PUM1: variants seen among roughly 807,000 people sequenced by gnomAD.
PUM1 encodes pumilio RNA binding family member 1.
A neutral mutation model predicts 131.8 loss-of-function variants in PUM1; 13 were observed. The ratio of observed to expected loss-of-function variants is 0.10; its 90% CI spans 0.06 to 0.16. PUM1 has a LOEUF of 0.16. Among genes scored for constraint, PUM1 ranks in the 10% least tolerant of loss-of-function variants. The pLI is 1.00. For synonymous variants in PUM1, 509 were observed against 556.5 expected (o/e 0.91, Z 1.20); for missense variants, 961 against 1,512.4 (o/e 0.64, Z 6.05).
intron 9 of PUM1, among the ~76,000 whole-genome samples, chr1:30,975,619 T>A (rs1477190043): frequency 6.6e-6 from 1 of 150,930 alleles, no homozygotes; most frequent in African/African-American, 2.4e-5. Context: ...CCTCCCATAT[T>A]GCTGGGACTT....
chr1:30,975,319 T>G (rs1306743065), intron 9 of PUM1, among the ~76,000 whole-genome samples: 3 of 151,772 alleles, frequency 2.0e-5, no homozygotes. Context: ...GAACCTCCAC[T>G]GCAACTTCAA....
At chr1:30,965,049 A>T in intron 13 of PUM1, 139 bp from the exon 14 acceptor site, 1 of 661,532 alleles carries the variant, frequency 1.5e-6, no homozygotes, top group Non-Finnish European at 2.6e-6. Context: ...CTGTTAATGT[A>T]GCAGTACTAG....
chr1:30,981,534 A>G, intron 7 of PUM1, 129 bp from the exon 8 acceptor site: 2 of 530,582 alleles, frequency 3.8e-6, no homozygotes, highest in East Asian at 3.2e-5. Flanking sequence ...ATGTTCTCAC[A>G]CTCTACTTCA....
chr1:30,967,369 C>T, intron 11 of PUM1, 59 bp from the exon 12 acceptor site: 2 of 1,524,824 alleles, frequency 1.3e-6, no homozygotes, highest in South Asian at 2.3e-5. Flanking sequence ...ATCTCCTGGG[C>T]ACCAACATAT....
intron 3 of PUM1, among the ~76,000 whole-genome samples, chr1:31,008,183 AATG>A (rs1464296455): frequency 6.6e-6 from 1 of 152,146 alleles, no homozygotes; most frequent in African/African-American, 2.4e-5. Context: ...CCCATAACCC[AATG>A]ATAATGGAAA....
chr1:30,964,877 C>T lies in PUM1; in HGVS notation c.2120G>A (p.Arg707His), dbSNP rs1368398894. ...GTCACTGCTGCCAGTCAGGGAGTCACGGCGGGAGCCACTGCCAGTGTTGGA... is the reference window on the plus strand; with the variant it reads ...GTCACTGCTGCCAGTCAGGGAGTCATGGCGGGAGCCACTGCCAGTGTTGGA... ...ANSNTGSGSR[R>H]DSLTGSSDLY... The change falls in exon 14 of 22, where the codon CGT (arginine) becomes CAT (histidine). Residue 707 changes from arginine to histidine, a missense_variant. Arg to His is a conservative substitution (Grantham distance 29, BLOSUM62 0). Around this residue, in one of 4 missense-constraint regions of PUM1, gnomAD observed 654 missense variants for 923.9 expected, o/e 0.71. Coordinates refer to ENST00000426105, the MANE Select transcript of PUM1 (RefSeq NM_001020658.2). The T allele has an allele frequency of 6.2e-7, 1 of 1,612,838 alleles. No individual in the cohort carries two copies. Among genetic ancestry groups the T allele is most frequent in the Non-Finnish European group, 8.5e-7 (1 of 1,179,782 alleles).
intron 7 of PUM1, among the ~76,000 whole-genome samples, chr1:30,982,806 A>G (rs1641402306): frequency 6.6e-6 from 1 of 152,214 alleles, no homozygotes; most frequent in African/African-American, 2.4e-5. Flanking sequence ...AAGAAAACAA[A>G]AAGTGAATAC....
chr1:30,995,181 C>T lies in PUM1; in HGVS notation c.760G>A (p.Glu254Lys). Residue 254 changes from glutamate to lysine, a missense_variant, in exon 6 of 22, where the codon GAA becomes AAA. Glu to Lys is a moderately conservative substitution (Grantham distance 56). This residue lies in a region of PUM1 where 654 missense variants were observed against 923.9 expected (regional missense o/e 0.71). Transcript: ENST00000426105. ...DADSDENDKG[E>K]KKNKGTFDGD... ...TCAAACGTACCCTTGTTCTTCTTTT[C>T]ACCTTTGTCGTTTTCATCACTGTCT... 6.2e-7 allele frequency: 1 copy of T among 1,614,178 alleles called. No homozygotes were observed. Among genetic ancestry groups the T allele is most frequent in the Non-Finnish European group, 8.5e-7 (1 of 1,180,028 alleles).
At chr1:31,016,182 C>A (rs963407136) in intron 3 of PUM1, among the ~76,000 whole-genome samples, 7 of 152,220 alleles carry the variant, frequency 4.6e-5, no homozygotes, top group Non-Finnish European at 1.0e-4. Context: ...TTTCAGATTT[C>A]ACGTTTCCAG....
At chr1:30,958,892 G>A (rs1570132183) in intron 14 of PUM1, among the ~76,000 whole-genome samples, 1 of 151,998 alleles carries the variant, frequency 6.6e-6, no homozygotes, top group East Asian at 1.9e-4. Context: ...CCTTGTTCAG[G>A]GTCACAACAT....
At chr1:31,054,868 T>C (rs1170896190) in intron 2 of PUM1, among the ~76,000 whole-genome samples, 1 of 152,146 alleles carries the variant, frequency 6.6e-6, no homozygotes, top group African/African-American at 2.4e-5. Flanking sequence ...CACAGTTTTG[T>C]CTGGTTTATC....
rs1641349905 is a variant in PUM1, at chr1:30,981,346, C to T, written c.1218G>A (p.Gln406=). 6.2e-7 allele frequency: 1 copy of T among 1,601,074 alleles called. No individual in the cohort carries two copies. Among genetic ancestry groups the T allele is most frequent in the Non-Finnish European group, 8.5e-7 (1 of 1,172,410 alleles). ...GCTGATGAGCAGCTGCCAGTGCATA[C>T]TGCTGCTGCTGAGCAGCTGTCAACT... The part of the protein sequence containing the change: ...VQQLTAAQQQ[Q]YALAAAHQPH... Residue 406 remains glutamine, a synonymous_variant, in exon 8 of 22, where the codon CAG becomes CAA. Transcript: ENST00000426105.
intron 3 of PUM1, among the ~76,000 whole-genome samples, chr1:31,008,865 G>A (rs1642488525): frequency 6.6e-6 from 1 of 152,048 alleles, no homozygotes; most frequent in South Asian, 2.1e-4. Context: ...TCTCCTTTTA[G>A]TCTCAAAAAT....
intron 2 of PUM1, 48 bp downstream of exon 2, chr1:31,059,156 A>C: frequency 9.9e-6 from 15 of 1,515,856 alleles, no homozygotes; most frequent in Non-Finnish European, 1.3e-5. Context: ...CTAAGTGGAC[A>C]GTGATTATAA....
rs1365829409 is a variant in PUM1 at position 31,054,524 on chromosome 1, C to G, written c.363+4680G>C. Among the ~76,000 whole-genome samples the G allele has an allele frequency of 3.2e-5, 4 of 124,784 alleles. No homozygotes were observed. In the Admixed American group the frequency reaches 3.6e-4, roughly 11 times the overall value. The allele number at this position is 124,784 out of a possible 152,430, so 81.9% of individuals were successfully genotyped here. On this transcript the variant is annotated intron_variant, in intron 2 of 21. Coordinates refer to ENST00000426105, the MANE Select transcript of PUM1 (RefSeq NM_001020658.2). Reference sequence around the variant, plus strand: ...GATCTCAAACTTTGTTCCATTATGCCAAAGGGCCACTAAAAAAAAAAAAAA... The same window carrying G: ...GATCTCAAACTTTGTTCCATTATGCGAAAGGGCCACTAAAAAAAAAAAAAA...
At chr1:31,002,019 T>C (rs890243078) in intron 5 of PUM1, among the ~76,000 whole-genome samples, 25 of 152,238 alleles carry the variant, frequency 1.6e-4, no homozygotes, top group Admixed American at 3.9e-4. Context: ...GCCCACTGAC[T>C]TTGGTAGTAA....
intron 17 of PUM1, among the ~76,000 whole-genome samples, chr1:30,947,658 G>A (rs1321892923): frequency 6.6e-6 from 1 of 152,110 alleles, no homozygotes; most frequent in Non-Finnish European, 1.5e-5. Context: ...TCTGTACATT[G>A]GCTAAACTGT....
chr1:30,948,993 G>A (rs981778948), intron 17 of PUM1: 3 of 425,942 alleles, frequency 7.0e-6, no homozygotes, highest in African/African-American at 6.1e-5. Flanking sequence ...CAGCATCGTG[G>A]CACATACCTT....
chr1:31,031,619 G>A (rs1643434558), intron 2 of PUM1, among the ~76,000 whole-genome samples: 1 of 152,124 alleles, frequency 6.6e-6, no homozygotes, highest in African/African-American at 2.4e-5. Flanking sequence ...GCTGCCCCCT[G>A]GCAGTCAAAG....
Sources: allele counts gnomAD v4.1 joint callset (sites outside exome capture counted in the v4.1 genomes callset), GRCh38; gene constraint gnomAD v4.1.1; regional missense constraint gnomAD v4.1.1; transcripts MANE v1.5; gene names NCBI Gene and HGNC (gene_info 2026-07-23, HGNC 2026-07-21).